SHC3: variants seen among roughly 807,000 people sequenced by gnomAD.
The protein encoded by SHC3 is SHC adaptor protein 3.
A neutral mutation model predicts 60.4 loss-of-function variants in SHC3; 15 were observed. The ratio of observed to expected loss-of-function variants is 0.25; its 90% CI spans 0.17 to 0.38. The LOEUF is 0.38. Among genes scored for constraint, SHC3 ranks in the 10% least tolerant of loss-of-function variants. SHC3 has a pLI of 1.00. For synonymous variants in SHC3, 294 were observed against 325.9 expected (o/e 0.90, Z 1.05); for missense variants, 677 against 786.1 (o/e 0.86, Z 1.66).
chr9:89,057,005 G>T (rs776267843), intron 6 of SHC3, among the ~76,000 whole-genome samples: 3 of 152,242 alleles, frequency 2.0e-5, no homozygotes, highest in Non-Finnish European at 4.4e-5. Flanking sequence ...TCCATCTGGG[G>T]TTCTCCAGTG....
intron 11 of SHC3, among the ~76,000 whole-genome samples, chr9:89,015,783 G>A (rs1423688725): frequency 6.6e-6 from 1 of 152,148 alleles, no homozygotes; most frequent in Non-Finnish European, 1.5e-5. Flanking sequence ...GAAGACACAT[G>A]GAATGTTAAC....
chr9:89,139,268 A>G (rs1826359881), intron 1 of SHC3, among the ~76,000 whole-genome samples: 1 of 152,202 alleles, frequency 6.6e-6, no homozygotes, highest in South Asian at 2.1e-4. Context: ...AAACTCAAAA[A>G]CAACCAATGA....
At position 89,046,867 on chromosome 9, in the gene SHC3, G is replaced by T. The variant is rs768838768; in HGVS notation, c.1090C>A (p.Pro364Thr). ...GFLDTRLKPR[P>T]HAPDTAQFAG... ...ACCTGGGCTGTGTCAGGAGCATGGG[G>T]TCTGGGTTTCAGTCTAGTATCAAGA... Residue 364 changes from proline (P) to threonine (T), a missense_variant, in exon 8 of 12, where the codon CCC becomes ACC. Pro to Thr is a conservative substitution (Grantham distance 38, BLOSUM62 -1). Transcript: ENST00000375835. 1 of 1,606,576 alleles carries T rather than the reference G, an allele frequency of 6.2e-7. No homozygotes were observed. The highest frequency in any genetic ancestry group is 1.1e-5 in the South Asian group (1 of 88,802).
In SHC3 at chr9:89,104,272, C is replaced by G. The variant is rs371018044; in HGVS notation, c.545+8284G>C. ...AATAGAACTCTTAAATACTGGTTCT[C>G]AAACTGGGGTACCTGGATGGGCAGC... On this transcript the variant is annotated intron_variant, in intron 2 of 11. Coordinates refer to ENST00000375835, the MANE Select transcript of SHC3 (RefSeq NM_016848.6). 3.9e-5 allele frequency among the ~76,000 whole-genome samples: 6 copies of G among 152,250 alleles called. No homozygotes were observed. In the East Asian group the frequency reaches 9.6e-4, roughly 24 times the overall value.
intron 1 of SHC3, among the ~76,000 whole-genome samples, chr9:89,136,044 G>A (rs529209409): frequency 6.6e-6 from 1 of 152,198 alleles, no homozygotes; most frequent in South Asian, 2.1e-4. Flanking sequence ...CAGAGCTCAA[G>A]AGTCATGAAT....
At chr9:89,120,731 C>T (rs1236645354) in intron 1 of SHC3, among the ~76,000 whole-genome samples, 1 of 151,962 alleles carries the variant, frequency 6.6e-6, no homozygotes, top group African/African-American at 2.4e-5. Context: ...ACTTTCTTTC[C>T]CATATAGAGT....
At chr9:89,050,798 A>AT (rs61260891) in intron 7 of SHC3, among the ~76,000 whole-genome samples, 1 of 152,132 alleles carries the variant, frequency 6.6e-6, no homozygotes, top group Admixed American at 6.5e-5. Flanking sequence ...AAAATAAAAA[A>AT]TTTGTTTCCT....
chr9:89,064,483 T>C (rs1312547436), intron 6 of SHC3, among the ~76,000 whole-genome samples: 1 of 152,200 alleles, frequency 6.6e-6, no homozygotes, highest in African/African-American at 2.4e-5. Flanking sequence ...ATGAAGTCAA[T>C]GACTCGGGGC....
intron 1 of SHC3, among the ~76,000 whole-genome samples, chr9:89,153,935 T>C (rs1196354954): frequency 6.6e-6 from 1 of 152,130 alleles, no homozygotes; most frequent in Admixed American, 6.5e-5. Flanking sequence ...TTCACAGACA[T>C]TCCCTTCGTT....
chr9:89,124,608 G>A (rs1381615437), intron 1 of SHC3, among the ~76,000 whole-genome samples: 2 of 152,032 alleles, frequency 1.3e-5, no homozygotes, highest in African/African-American at 4.8e-5. Flanking sequence ...AACACTGCAC[G>A]TTCTCACTCA....
At chr9:89,099,450 A>G (rs1825752338) in intron 2 of SHC3, among the ~76,000 whole-genome samples, 1 of 152,250 alleles carries the variant, frequency 6.6e-6, no homozygotes, top group South Asian at 2.1e-4. Flanking sequence ...AGCCATCAAG[A>G]ATGTAGGTGA....
At chr9:89,078,308 C>CTAATCA (rs1825393664) in intron 2 of SHC3, among the ~76,000 whole-genome samples, 1 of 152,158 alleles carries the variant, frequency 6.6e-6, no homozygotes, top group Admixed American at 6.5e-5. Flanking sequence ...CCTAATCAAC[C>CTAATCA]ACCTTGATTG....
chr9:89,173,896 G>T (rs725764), intron 1 of SHC3, among the ~76,000 whole-genome samples: 1 of 151,930 alleles, frequency 6.6e-6, no homozygotes, highest in African/African-American at 2.4e-5. Flanking sequence ...AGATATTTAC[G>T]TGTAAGCCAT....
chr9:89,066,357 T>C (rs1825181106), intron 5 of SHC3, among the ~76,000 whole-genome samples: 1 of 152,208 alleles, frequency 6.6e-6, no homozygotes, highest in Admixed American at 6.5e-5. Context: ...AATGGTTATT[T>C]TCTTCTTGGA....
rs772255432 is a variant in SHC3 at position 89,077,876 on chromosome 9, A to G, written c.573T>C (p.Ala191=). The change falls in exon 3 of 12, where the codon GCT becomes GCC. Residue 191 remains alanine, a synonymous_variant. Transcript: ENST00000375835. ...TREAISRVCE[A]VPGAKGAFKK... ...TGAAGGCTCCCTTCGCACCAGGCAC[A>G]GCTTCACAGACGCGGCTGATGGCTT... 2 of 1,614,258 alleles carry G rather than the reference A, an allele frequency of 1.2e-6. No individual in the cohort carries two copies. Among genetic ancestry groups the G allele is most frequent in the Admixed American group, 3.3e-5 (2 of 60,034 alleles).
At position 89,156,828 on chromosome 9, in the gene SHC3, C is replaced by A. The variant is rs1027693722; in HGVS notation, c.474+21159G>T. Among the ~76,000 whole-genome samples the A allele has an allele frequency of 7.9e-5, 12 of 152,138 alleles. No homozygotes were observed. The East Asian group carries it at 2.3e-3, about 29-fold the overall frequency. On this transcript the variant is annotated intron_variant, in intron 1 of 11. Coordinates refer to ENST00000375835, the MANE Select transcript of SHC3 (RefSeq NM_016848.6). Reference sequence around the variant, plus strand: ...GAACCAGAGCTCACCTTCTTTTCTGCCGATCACACATTCTTAGACAAAGCT... The same window carrying A: ...GAACCAGAGCTCACCTTCTTTTCTGACGATCACACATTCTTAGACAAAGCT...
intron 1 of SHC3, among the ~76,000 whole-genome samples, chr9:89,132,133 A>G (rs1345313044): frequency 6.6e-6 from 1 of 152,236 alleles, no homozygotes; most frequent in African/African-American, 2.4e-5. Flanking sequence ...ACAGAGAGCC[A>G]AATCATGAGT....
At chr9:89,033,981 C>T (rs1242600270) in intron 11 of SHC3, among the ~76,000 whole-genome samples, 4 of 152,120 alleles carry the variant, frequency 2.6e-5, no homozygotes, top group Non-Finnish European at 4.4e-5. Flanking sequence ...GTTTTACTTA[C>T]AAACAGAGAT....
intron 1 of SHC3, among the ~76,000 whole-genome samples, chr9:89,122,507 C>A (rs1214639239): frequency 6.6e-6 from 1 of 152,246 alleles, no homozygotes; most frequent in Non-Finnish European, 1.5e-5. Flanking sequence ...GAAGGCTTGA[C>A]AACACCTATT....
Sources: gnomAD v4.1 joint callset for allele counts (sites outside exome capture counted in the v4.1 genomes callset) on GRCh38, gnomAD v4.1.1 for gene constraint, MANE v1.5 for transcripts, NCBI Gene and HGNC (gene_info 2026-07-23, HGNC 2026-07-21) for gene names.